PLCE1: variants seen among roughly 807,000 people sequenced by gnomAD.
The protein encoded by PLCE1 is 1-phosphatidylinositol 4,5-bisphosphate phosphodiesterase epsilon-1.
PLCE1 carries 119 observed loss-of-function variants against 242.8 expected under a neutral mutation model. The observed-to-expected ratio is 0.49, with a 90% CI of 0.42 to 0.57. The LOEUF is 0.57. Among genes scored for constraint, PLCE1 ranks in the 20% least tolerant of loss-of-function variants. PLCE1 has a pLI of 0.00. For synonymous variants in PLCE1, 945 were observed against 1,017.4 expected (o/e 0.93, Z 1.35); for missense variants, 2,441 against 2,788.8 (o/e 0.88, Z 2.81).
intron 4 of PLCE1, among the ~76,000 whole-genome samples, chr10:94,197,486 C>T (rs2048857103): frequency 6.6e-6 from 1 of 152,202 alleles, no homozygotes; most frequent in Admixed American, 6.5e-5. Context: ...TTCCTATCAA[C>T]ACTTGCTAGT....
chr10:94,099,700 G>A (rs1314559868), intron 2 of PLCE1: 2 of 152,164 alleles, frequency 1.3e-5, no homozygotes, highest in African/African-American at 4.8e-5. Context: ...TGTAAAACAT[G>A]AAATTGTACA....
intron 2 of PLCE1, chr10:94,106,315 T>C (rs2045732236): frequency 6.6e-6 from 1 of 152,234 alleles, no homozygotes; most frequent in Non-Finnish European, 1.5e-5. Context: ...AAATTTACTA[T>C]ATTTTTGAGA....
Position 94,306,793 on chromosome 10 carries a change from G to A in PLCE1, c.5884+105G>A. 1 of 945,598 alleles carries A rather than the reference G, an allele frequency of 1.1e-6. No homozygotes were observed. Among genetic ancestry groups the A allele is most frequent in the Non-Finnish European group, 1.6e-6 (1 of 611,532 alleles). The allele number at this position is 945,598 out of a possible 1,614,324, so 58.6% of individuals were successfully genotyped here. ...TTTCTGTTTGACATTTTCCTATAAA[G>A]AAGTTGAATTAAGAAGCAAAAGGAA... On this transcript the variant is annotated intron_variant, in intron 26 of 32. Coordinates refer to ENST00000371380, the MANE Select transcript of PLCE1 (RefSeq NM_016341.4). This position sits in a 1 kb window ranked among gnomAD's most constrained non-coding sequence, Gnocchi z 5.7.
At chr10:94,112,315 T>C (rs983740329) in intron 2 of PLCE1, among the ~76,000 whole-genome samples, 2 of 152,266 alleles carry the variant, frequency 1.3e-5, no homozygotes, top group South Asian at 2.1e-4. Flanking sequence ...TTGAATGATA[T>C]GAAATTTTGA....
At chr10:94,081,635 G>T (rs1450490450) in intron 2 of PLCE1, among the ~76,000 whole-genome samples, 3 of 152,154 alleles carry the variant, frequency 2.0e-5, no homozygotes, top group Non-Finnish European at 2.9e-5. Flanking sequence ...ATATTAAATA[G>T]ACATGTCCTC....
chr10:94,291,620 T>C (rs2052648493), intron 22 of PLCE1, among the ~76,000 whole-genome samples: 1 of 152,094 alleles, frequency 6.6e-6, no homozygotes, highest in Non-Finnish European at 1.5e-5. Context: ...AGGATTGCTG[T>C]AAAAAGTAGC....
chr10:94,054,724 G>A (rs963888318), intron 2 of PLCE1, among the ~76,000 whole-genome samples: 3 of 152,224 alleles, frequency 2.0e-5, no homozygotes, highest in Non-Finnish European at 4.4e-5. Flanking sequence ...GAAAAATGCC[G>A]TGTTCAGGCC....
At chr10:94,245,548 A>T (rs1254072486) in intron 7 of PLCE1, among the ~76,000 whole-genome samples, 1 of 152,176 alleles carries the variant, frequency 6.6e-6, no homozygotes, top group Non-Finnish European at 1.5e-5. Flanking sequence ...GTGCAGTGGC[A>T]CGATCGCAGC....
At chr10:94,022,679 T>C (rs775098599) in intron 1 of PLCE1, among the ~76,000 whole-genome samples, 1 of 151,932 alleles carries the variant, frequency 6.6e-6, no homozygotes, top group African/African-American at 2.4e-5. Context: ...TCAAGGTAAA[T>C]GGTTTGGATT....
At chr10:94,260,819 A>G (rs542101063) in intron 13 of PLCE1, among the ~76,000 whole-genome samples, 1 of 152,132 alleles carries the variant, frequency 6.6e-6, no homozygotes, top group Non-Finnish European at 1.5e-5. Flanking sequence ...ATGAGCCTCC[A>G]TGCCCAGCTT....
At chr10:94,070,904 C>T (rs979942419) in intron 2 of PLCE1, among the ~76,000 whole-genome samples, 37 of 152,154 alleles carry the variant, frequency 2.4e-4, no homozygotes, top group Non-Finnish European at 1.9e-4. Flanking sequence ...TGAAGCTTTC[C>T]TTGGCTGTAC....
chr10:94,315,441 T>C, intron 28 of PLCE1: 1 of 456,070 alleles, frequency 2.2e-6, no homozygotes, highest in Non-Finnish European at 4.4e-6. Context: ...TTTACTCCCT[T>C]CAAATTCAGC....
chr10:94,296,216 A>T (rs1186771674), intron 23 of PLCE1, among the ~76,000 whole-genome samples: 1 of 151,754 alleles, frequency 6.6e-6, no homozygotes, highest in Non-Finnish European at 1.5e-5. Context: ...CAAAAAAAAA[A>T]TTAGTTGGGC....
intron 2 of PLCE1, among the ~76,000 whole-genome samples, chr10:94,112,474 G>A (rs1309964519): frequency 6.6e-6 from 1 of 152,180 alleles, no homozygotes; most frequent in African/African-American, 2.4e-5. Context: ...CCTGAAGACA[G>A]AGTTGAAAAC....
intron 2 of PLCE1, among the ~76,000 whole-genome samples, chr10:94,110,058 C>CTTTTTTTTTTTTTTTTTTTTTTT (rs33974566): frequency 1.1e-4 from 8 of 75,886 alleles, no homozygotes; most frequent in African/African-American, 1.6e-4. Context: ...TTTCTTTTTT[C>CTTTTTTTTTTTTTTTTTTTTTTT]TTTTTTTTTT....
chr10:94,169,403 G>A (rs2047902627), intron 3 of PLCE1, among the ~76,000 whole-genome samples: 1 of 152,164 alleles, frequency 6.6e-6, no homozygotes, highest in Admixed American at 6.5e-5. Context: ...AGGGATTAAA[G>A]GTGGAGATAA....
intron 1 of PLCE1, among the ~76,000 whole-genome samples, chr10:94,002,201 G>T (rs547054410): frequency 6.6e-6 from 1 of 152,230 alleles, no homozygotes; most frequent in South Asian, 2.1e-4. Flanking sequence ...TTTGCAAAAA[G>T]AACTCCAAAA....
chr10:94,017,302 T>C (rs1246835611), intron 1 of PLCE1, among the ~76,000 whole-genome samples: 1 of 152,180 alleles, frequency 6.6e-6, no homozygotes, highest in Admixed American at 6.5e-5. Flanking sequence ...AAACTAACCC[T>C]GAAACTTGTT....
chr10:94,182,317 A>G (rs1220797681), intron 4 of PLCE1, among the ~76,000 whole-genome samples: 2 of 151,916 alleles, frequency 1.3e-5, no homozygotes, highest in East Asian at 1.9e-4. Flanking sequence ...CCCAGGCTGG[A>G]GTGCAATGGT....
Sources: allele counts gnomAD v4.1 joint callset (sites outside exome capture counted in the v4.1 genomes callset), GRCh38; gene constraint gnomAD v4.1.1; non-coding constraint Gnocchi (gnomAD v3.1); transcripts MANE v1.5; gene names NCBI Gene and HGNC (gene_info 2026-07-23, HGNC 2026-07-21).